Variants in PRKDC observed in about 807,000 individuals in gnomAD.
PRKDC encodes the protein protein kinase, DNA-activated, catalytic subunit, also known as DNA-dependent protein kinase catalytic subunit.
Under a neutral mutation model 486.9 loss-of-function variants are expected in PRKDC, and 82 were observed. The observed-to-expected ratio is 0.17, with a 90% CI of 0.14 to 0.20. The LOEUF (loss-of-function observed/expected upper bound fraction) is 0.20. Among genes scored for constraint, PRKDC ranks in the 10% least tolerant of loss-of-function variants. The probability of loss-of-function intolerance (pLI) is 1.00; values close to 1 mark genes in which losing one functional copy is unlikely to be tolerated. For synonymous variants in PRKDC, 1,895 were observed against 1,837.0 expected (o/e 1.03, Z -0.81); for missense variants, 4,504 against 5,038.2 (o/e 0.89, Z 3.21).
Position 47,834,353 on chromosome 8 carries a change from G to A in PRKDC, c.7995C>T (p.Asp2665=), listed in dbSNP as rs1269153533. The A allele has an allele frequency of 1.2e-6, 2 of 1,613,796 alleles. No homozygotes were observed. The highest frequency in any genetic ancestry group is 1.3e-5 in the African/African-American group (1 of 74,920). ...SFDWLTGSST[D]PLVDHTSPSS... is the part of the protein sequence containing the mutation. ...AGGGACTGGTGTGGTCGACCAGCGG[G>A]TCAGTGCTGCTCCCGGTCAGCCAAT... Residue 2665 remains aspartate (D), a synonymous_variant, in exon 59 of 86, where the codon GAC becomes GAT. Coordinates refer to ENST00000314191, the MANE Select transcript of PRKDC (RefSeq NM_006904.7).
chr8:47,830,626 G>C lies in PRKDC; in HGVS notation c.8376C>G (p.Thr2792=). The C allele has an allele frequency of 1.2e-6, 2 of 1,613,882 alleles. No individual in the cohort carries two copies. The highest frequency in any genetic ancestry group is 8.5e-7 in the Non-Finnish European group (1 of 1,179,828). ...DIQIKHSSLI[T]PLQAVAQRDP... ...TGACCTGGGCCACGGCCTGTAACGGGGTGATGAGGCTGCTGTGCTTGATCT... is the reference window on the plus strand; with the variant it reads ...TGACCTGGGCCACGGCCTGTAACGGCGTGATGAGGCTGCTGTGCTTGATCT... Residue 2792 remains threonine (T), a synonymous_variant, in exon 61 of 86, where the codon ACC becomes ACG. Coordinates refer to ENST00000314191, the MANE Select transcript of PRKDC (RefSeq NM_006904.7).
At chr8:47,884,114 C>G (rs1219416957) in intron 36 of PRKDC, among the ~76,000 whole-genome samples, 1 of 152,268 alleles carries the variant, frequency 6.6e-6, no homozygotes, top group Non-Finnish European at 1.5e-5. Context: ...TAACTTTCCT[C>G]TTTTCCTGAT....
In PRKDC at chr8:47,911,779, T is replaced by TA. The variant is rs1270135930; in HGVS notation, c.2934+630_2934+631insT. Reference sequence around the variant, plus strand: ...GCTATTTTTTATTTATTTATTTATTTTTTTTTTTGAGAATGAGTCTCACTC... The same window carrying TA: ...GCTATTTTTTATTTATTTATTTATTTATTTTTTTTGAGAATGAGTCTCACTC... On this transcript the variant is annotated intron_variant, in intron 25 of 85. Transcript: ENST00000314191. Among the ~76,000 whole-genome samples the TA allele has an allele frequency of 7.2e-5, 11 of 152,048 alleles. No individual in the cohort carries two copies. The South Asian group carries it at 1.0e-3, about 14-fold the overall frequency.
chr8:47,885,033 C>T (rs1244774838), intron 36 of PRKDC, among the ~76,000 whole-genome samples: 1 of 152,232 alleles, frequency 6.6e-6, no homozygotes, highest in African/African-American at 2.4e-5. Context: ...AAAGCCACAT[C>T]TTGGCAAATG....
intron 12 of PRKDC, 27 bp downstream of exon 12, chr8:47,936,326 A>G: frequency 6.4e-7 from 1 of 1,572,950 alleles, no homozygotes; most frequent in East Asian, 2.3e-5. Context: ...TAAATACTTA[A>G]AATTGTGCTC....
chr8:47,777,505 A>G lies in PRKDC; in HGVS notation c.12042+181T>C, dbSNP rs8178255. Among the ~76,000 whole-genome samples, 33,839 of 152,050 alleles carry G rather than the reference A, an allele frequency of 0.22. 7,441 individuals are homozygous for G. Among genetic ancestry groups the G allele is most frequent in the African/African-American group, 0.56 (23,307 of 41,432 alleles). On this transcript the variant is annotated intron_variant, in intron 84 of 85. Transcript: ENST00000314191. ...ATTATAGGTGTGAGCCACTGGGCCC[A>G]GCCTCTTAACTGGTTTTCAAGCAGA...
In PRKDC at chr8:47,840,097, A is replaced by G. The variant is rs1464381833; in HGVS notation, c.7373T>C (p.Val2458Ala). 3.2e-6 allele frequency: 5 copies of G among 1,583,114 alleles called. No homozygotes were observed. Among genetic ancestry groups the G allele is most frequent in the Non-Finnish European group, 4.3e-6 (5 of 1,162,552 alleles). Residue 2458 changes from valine (V) to alanine (A), a missense_variant, in exon 55 of 86, where the codon GTT becomes GCT. By Grantham distance (64) the Val-to-Ala change is moderately conservative (BLOSUM62 0). Transcript: ENST00000314191. ...AGAAGGATGGGAAACGAATTCCACA[A>G]CGGGGTTCAGAAGTTCTCGGAGTTC... ...PVELRELLNP[V>A]VEFVSHPSTT... is the part of the protein sequence containing the mutation.
chr8:47,841,901 C>A (rs2088154927), intron 54 of PRKDC, among the ~76,000 whole-genome samples: 1 of 152,194 alleles, frequency 6.6e-6, no homozygotes, highest in Admixed American at 6.5e-5. Flanking sequence ...GTGAACTGGG[C>A]AGTCCCCACA....
chr8:47,778,014 C>T, intron 83 of PRKDC, 140 bp from the exon 84 acceptor site: 2 of 847,210 alleles, frequency 2.4e-6, no homozygotes, highest in Non-Finnish European at 3.7e-6. Flanking sequence ...ATCAGCTACA[C>T]AGATGTGAGT....
At chr8:47,834,123 A>G (rs2087950980) in intron 59 of PRKDC, 73 bp downstream of exon 59, 4 of 1,555,588 alleles carry the variant, frequency 2.6e-6, no homozygotes, top group Non-Finnish European at 3.5e-6. Flanking sequence ...ACAGTCAGAA[A>G]TGTCCCCAGA....
rs779732085 is a variant in PRKDC at position 47,852,726 on chromosome 8, C to T, written c.6952G>A (p.Ala2318Thr). ...SFVRYKEVYAAAAEVLGLILR... is the reference protein window; with the variant it reads ...SFVRYKEVYATAAEVLGLILR... Reference sequence around the variant, plus strand: ...ATAAGTCCTAGAACTTCTGCTGCAGCGGCATACACTTCTTTATATCTTACA... The same window carrying T: ...ATAAGTCCTAGAACTTCTGCTGCAGTGGCATACACTTCTTTATATCTTACA... The change falls in exon 52 of 86, where the codon GCT (alanine) becomes ACT (threonine). Residue 2318 changes from alanine to threonine, a missense_variant. Transcript: ENST00000314191. The T allele has an allele frequency of 1.1e-5, 18 of 1,581,548 alleles. No homozygotes were observed. Among genetic ancestry groups the T allele is most frequent in the Admixed American group, 1.8e-5 (1 of 55,364 alleles).
At chr8:47,932,936 T>C (rs1189727052) in intron 16 of PRKDC, 84 bp downstream of exon 16, 23 of 1,234,546 alleles carry the variant, frequency 1.9e-5, no homozygotes, top group Non-Finnish European at 2.5e-5. Context: ...CCTCTACAAA[T>C]GTGCTATTGT....
At chr8:47,788,066 A>G (rs2086819821) in intron 76 of PRKDC, among the ~76,000 whole-genome samples, 1 of 152,234 alleles carries the variant, frequency 6.6e-6, no homozygotes, top group Non-Finnish European at 1.5e-5. Flanking sequence ...ATGCCCTTAA[A>G]TTTCTTGAGG....
chr8:47,905,966 C>T (rs995802486), intron 25 of PRKDC, among the ~76,000 whole-genome samples: 1 of 152,070 alleles, frequency 6.6e-6, no homozygotes, highest in South Asian at 2.1e-4. Context: ...GGAGGTGTGA[C>T]CATGTGGCCA....
intron 40 of PRKDC, among the ~76,000 whole-genome samples, chr8:47,866,118 T>G (rs1049707297): frequency 6.8e-6 from 1 of 147,246 alleles, no homozygotes; most frequent in African/African-American, 2.5e-5. Context: ...ATCACACCAT[T>G]GTACTCCTGC....
chr8:47,904,945 A>G lies in PRKDC; in HGVS notation c.2966T>C (p.Met989Thr), dbSNP rs749565098. The G allele has an allele frequency of 7.4e-6, 12 of 1,613,750 alleles. No homozygotes were observed. The highest frequency in any genetic ancestry group is 2.2e-5 in the East Asian group (1 of 44,872). ...VTRQLYEPLV[M>T]QLIHWFTNNK... ...GTTAGTGAACCAGTGAATCAGCTGC[A>G]TAACTAGTGGCTCATACAGTTGCCT... Residue 989 changes from methionine to threonine, a missense_variant, in exon 26 of 86, where the codon ATG (methionine) becomes ACG (threonine). Transcript: ENST00000314191.
Position 47,863,581 on chromosome 8 carries a change from CA to C in PRKDC, c.5572-5del, listed in dbSNP as rs2088728101. The C allele has an allele frequency of 1.9e-6, 3 of 1,596,696 alleles. No homozygotes were observed. Among genetic ancestry groups the C allele is most frequent in the African/African-American group, 2.7e-5 (2 of 74,126 alleles). Reference sequence around the variant, plus strand: ...TATCAAAGGTAGATTCATTTAGCTTCAAAAAGGTAAAAAATAATTATCTTTG... The same window carrying C: ...TATCAAAGGTAGATTCATTTAGCTTCAAAAGGTAAAAAATAATTATCTTTG... On this transcript the variant is annotated splice_region_variant and splice_polypyrimidine_tract_variant and intron_variant, in intron 41 of 85. Coordinates refer to ENST00000314191, the MANE Select transcript of PRKDC (RefSeq NM_006904.7).
intron 40 of PRKDC, among the ~76,000 whole-genome samples, chr8:47,871,549 C>T (rs2088953249): frequency 6.6e-6 from 1 of 152,124 alleles, no homozygotes; most frequent in South Asian, 2.1e-4. Context: ...TTTATCAATA[C>T]CACAAGATAA....
intron 64 of PRKDC, among the ~76,000 whole-genome samples, chr8:47,822,229 G>A (rs2087615799): frequency 6.6e-6 from 1 of 151,334 alleles, no homozygotes; most frequent in Admixed American, 6.6e-5. Context: ...GGAGGTTGAG[G>A]CTGCAGTAAG....
Sources: gnomAD v4.1 joint callset for allele counts (sites outside exome capture counted in the v4.1 genomes callset) on GRCh38, gnomAD v4.1.1 for gene constraint, MANE v1.5 for transcripts, NCBI Gene and HGNC (gene_info 2026-07-23, HGNC 2026-07-21) for gene names.